MIER1: variants seen among roughly 807,000 people sequenced by gnomAD.
The protein encoded by MIER1 is MIER1 transcriptional regulator, also known as mesoderm induction early response protein 1.
MIER1 carries 40 observed loss-of-function variants against 75.7 expected under a neutral mutation model. The observed-to-expected ratio is 0.53, with a 90% confidence interval of 0.41 to 0.69. The LOEUF (loss-of-function observed/expected upper bound fraction) is 0.69. Ranked by LOEUF, MIER1 falls within the 30% of genes least tolerant of loss-of-function variation. The pLI, the probability that MIER1 is intolerant of heterozygous loss-of-function variation, is 0.00. For missense variants in MIER1, 574 were observed against 680.2 expected (o/e 0.84, Z 1.74); for synonymous variants, 213 against 223.4 (o/e 0.95, Z 0.42).
chr1:66,937,619 A>G lies in MIER1; in HGVS notation c.169-2409A>G, dbSNP rs372521812. ...AAAAGAAAAGAAAATGTGTAGCACT[A>G]TATGAATGTAAGCTGGATGTACTAT... On this transcript the variant is annotated intron_variant, in intron 2 of 13. Transcript: ENST00000401041. Among the ~76,000 whole-genome samples the G allele has an allele frequency of 9.2e-5, 14 of 152,286 alleles. 1 individual carries two copies. The highest frequency in any genetic ancestry group is 5.8e-4 in the East Asian group (3 of 5,180).
chr1:66,927,653 A>T (rs1190311389), intron 2 of MIER1, among the ~76,000 whole-genome samples: 2 of 152,136 alleles, frequency 1.3e-5, no homozygotes, highest in Non-Finnish European at 2.9e-5. Context: ...AGGGTAATGG[A>T]TGGAAACAAC....
At chr1:66,978,609 A>T (rs908538239) in intron 12 of MIER1, among the ~76,000 whole-genome samples, 3 of 152,234 alleles carry the variant, frequency 2.0e-5, no homozygotes, top group African/African-American at 7.2e-5. Context: ...CATGATTTTC[A>T]AGGTATTATA....
At position 66,986,160 on chromosome 1, in the gene MIER1, CT is replaced by C; in HGVS notation, c.*1264del. On this transcript the variant is annotated 3_prime_UTR_variant, in exon 14 of 14. Coordinates refer to ENST00000401041, the MANE Select transcript of MIER1 (RefSeq NM_001077700.3). The stretch of plus-strand genomic sequence containing the variant: ...AAGTGAAGTTTGAAAACTTTTCAAA[CT>C]TTTCTAGTTACAATCCAATTTTTCA... The C allele has an allele frequency of 8.4e-7, 1 of 1,192,010 alleles. No individual in the cohort carries two copies. Among genetic ancestry groups the C allele is most frequent in the Non-Finnish European group, 1.0e-6 (1 of 963,094 alleles). 73.8% of individuals were successfully genotyped at this position (1,192,010 alleles called of 1,614,324 possible).
intron 8 of MIER1, among the ~76,000 whole-genome samples, chr1:66,967,181 T>C (rs1369342083): frequency 6.6e-6 from 1 of 152,216 alleles, no homozygotes; most frequent in African/African-American, 2.4e-5. Context: ...TTGGTTTTTG[T>C]GTGTGACAAG....
chr1:66,956,544 G>A (rs1660169724), intron 4 of MIER1, among the ~76,000 whole-genome samples: 1 of 152,078 alleles, frequency 6.6e-6, no homozygotes, highest in Non-Finnish European at 1.5e-5. Context: ...CCAGATTCTT[G>A]GTACATGGAC....
chr1:66,975,250 G>A (rs972231945), intron 11 of MIER1, among the ~76,000 whole-genome samples: 1 of 152,120 alleles, frequency 6.6e-6, no homozygotes, highest in African/African-American at 2.4e-5. Flanking sequence ...CAGTATTGCC[G>A]GTGCAGTGGC....
At chr1:66,949,639 T>C (rs150535702) in intron 4 of MIER1, among the ~76,000 whole-genome samples, 28 of 152,358 alleles carry the variant, frequency 1.8e-4, no homozygotes, top group Admixed American at 4.6e-4. Flanking sequence ...TTGGGGCCAA[T>C]TTGTTGGATT....
rs568362562 is a variant in MIER1, at chr1:66,983,501, A to C, written c.1370-1071A>C. On this transcript the variant is annotated intron_variant, in intron 13 of 13. Coordinates refer to ENST00000401041, the MANE Select transcript of MIER1 (RefSeq NM_001077700.3). The stretch of plus-strand genomic sequence containing the variant: ...TTTACTTCTTATCACCAAAATTTGC[A>C]TTCCATTTTACAGTCAACTCTAAAA... Among the ~76,000 whole-genome samples, 241 of 152,332 alleles carry C rather than the reference A, an allele frequency of 1.6e-3. 1 individual carries two copies. Among genetic ancestry groups the C allele is most frequent in the African/African-American group, 5.4e-3 (223 of 41,580 alleles).
At chr1:66,973,206 G>GT (rs1191591592) in intron 11 of MIER1, among the ~76,000 whole-genome samples, 1 of 151,982 alleles carries the variant, frequency 6.6e-6, no homozygotes, top group Non-Finnish European at 1.5e-5. Flanking sequence ...TATTGCAGGT[G>GT]TTTAAGAATT....
At chr1:66,943,028 T>C (rs114709764) in intron 3 of MIER1, among the ~76,000 whole-genome samples, 173 of 152,346 alleles carry the variant, frequency 1.1e-3, no homozygotes, top group African/African-American at 3.9e-3. Context: ...ATTACAATTA[T>C]ATTCTGATTG....
Position 66,976,742 on chromosome 1 carries a change from A to G in MIER1, c.1229+20A>G. 6.4e-7 allele frequency: 1 copy of G among 1,562,514 alleles called. No homozygotes were observed. Among genetic ancestry groups the G allele is most frequent in the Non-Finnish European group, 8.6e-7 (1 of 1,156,428 alleles). On this transcript the variant is annotated intron_variant, in intron 12 of 13. Transcript: ENST00000401041. ...TGTAACGTGAGTTAATTTTTTCCTT[A>G]AGAGCTATATATACATTTTTGCTAA...
At chr1:66,940,267 T>TTTA in intron 3 of MIER1, 1 of 332,100 alleles carries the variant, frequency 3.0e-6, no homozygotes, top group Non-Finnish European at 5.2e-6. Flanking sequence ...ATTTTTGGGT[T>TTTA]TTCTTTTTTT....
rs2102152067 is a variant in MIER1 at position 66,985,513 on chromosome 1, T to C, written c.*613T>C. 1.0e-6 allele frequency: 1 copy of C among 984,100 alleles called. No homozygotes were observed. Among genetic ancestry groups the C allele is most frequent in the South Asian group, 4.7e-5 (1 of 21,272 alleles). The allele number at this position is 984,100 out of a possible 1,614,324, so 61.0% of individuals were successfully genotyped here. A position where few individuals can be genotyped will look rare whatever the true frequency, so the allele number is the denominator to read the frequency against. On this transcript the variant is annotated 3_prime_UTR_variant, in exon 14 of 14. Transcript: ENST00000401041. ...TAAAATTGTTGACATCAATGATGTC[T>C]TTCCATATTCTTATCTGGGCTTAAG...
chr1:66,977,578 C>T (rs1331289189), intron 12 of MIER1, among the ~76,000 whole-genome samples: 1 of 152,132 alleles, frequency 6.6e-6, no homozygotes, highest in Non-Finnish European at 1.5e-5. Flanking sequence ...TGTAAAATGT[C>T]TGATATGCCT....
chr1:66,969,311 C>T (rs1033351213), intron 8 of MIER1, among the ~76,000 whole-genome samples: 1 of 151,554 alleles, frequency 6.6e-6, no homozygotes, highest in East Asian at 1.9e-4. Context: ...TTTGGGAGGC[C>T]GAGGCGGGTG....
chr1:66,982,946 C>T (rs1252942314), intron 13 of MIER1, among the ~76,000 whole-genome samples: 1 of 152,192 alleles, frequency 6.6e-6, no homozygotes, highest in Non-Finnish European at 1.5e-5. Flanking sequence ...TTGGGACTAA[C>T]CGTATAGGCT....
At chr1:66,954,925 T>G (rs1659780776) in intron 4 of MIER1, among the ~76,000 whole-genome samples, 1 of 152,102 alleles carries the variant, frequency 6.6e-6, no homozygotes, top group African/African-American at 2.4e-5. Context: ...GCCAGGCTGG[T>G]CTCGAACTCC....
intron 4 of MIER1, among the ~76,000 whole-genome samples, chr1:66,950,780 A>C (rs569126376): frequency 1.2e-4 from 18 of 151,752 alleles, no homozygotes; most frequent in African/African-American, 3.4e-4. Flanking sequence ...CTTCATTCCT[A>C]TATAGTTTTA....
chr1:66,935,482 T>TA (rs995683456), intron 2 of MIER1, among the ~76,000 whole-genome samples: 1 of 152,184 alleles, frequency 6.6e-6, no homozygotes, highest in East Asian at 1.9e-4. Context: ...AATTACAGCT[T>TA]AAAAAATAGT....
Sources: allele counts gnomAD v4.1 joint callset (sites outside exome capture counted in the v4.1 genomes callset), GRCh38; gene constraint gnomAD v4.1.1; transcripts MANE v1.5; gene names NCBI Gene and HGNC (gene_info 2026-07-23, HGNC 2026-07-21).